Variants in PDIA2 observed in about 807,000 individuals in gnomAD.
The protein encoded by PDIA2 is protein disulfide-isomerase A2.
A neutral mutation model predicts 51.1 loss-of-function variants in PDIA2; 76 were observed. The observed-to-expected ratio is 1.49, with a 90% confidence interval of 1.24 to 1.80. The LOEUF is 1.80. Ranked by LOEUF, PDIA2 falls within the 40% of genes most tolerant of loss-of-function variation. The probability of loss-of-function intolerance (pLI) is 0.00; values close to 1 mark genes in which losing one functional copy is unlikely to be tolerated. For synonymous variants in PDIA2, 429 were observed against 309.9 expected (o/e 1.38, Z -4.04); for missense variants, 946 against 706.5 (o/e 1.34, Z -3.84).
chr16:285,887 C>T (rs2052353620), intron 7 of PDIA2, among the ~76,000 whole-genome samples, 184 bp downstream of exon 7: 1 of 129,150 alleles, frequency 7.7e-6, no homozygotes, highest in African/African-American at 2.9e-5. Flanking sequence ...TCTCCCAACC[C>T]CAAACCCGCG....
In PDIA2 at chr16:286,680, T is replaced by G. The variant is rs748600407; in HGVS notation, c.1367T>G (p.Phe456Cys). The G allele has an allele frequency of 5.6e-6, 9 of 1,612,434 alleles. No homozygotes were observed. The South Asian group carries it at 9.9e-5, about 18-fold the overall frequency. Residue 456 changes from phenylalanine to cysteine, a missense_variant, in exon 9 of 11, where the codon TTC (phenylalanine) becomes TGC (cysteine). Coordinates refer to ENST00000219406, the MANE Select transcript of PDIA2 (RefSeq NM_006849.4). ...GCCACGGCCAACGAGCTGGATGCCT[T>G]CGCTGTGCACGGCTTCCCTACTCTC... is the stretch of plus-strand genomic sequence containing the variant. ...LDATANELDA[F>C]AVHGFPTLKY...
rs756007429 is a variant in PDIA2, at chr16:284,542, A to G, written c.355A>G (p.Thr119Ala). ...AEEFGVTEYP[T>A]LKFFRNGNRT... ...GGAGTTTGGTGTGACGGAGTACCCTACGCTCAAGTTCTTCCGCAATGGGAA... is the reference window on the plus strand; with the variant it reads ...GGAGTTTGGTGTGACGGAGTACCCTGCGCTCAAGTTCTTCCGCAATGGGAA... Residue 119 changes from threonine (T) to alanine (A), a missense_variant, in exon 2 of 11, where the codon ACG (threonine) becomes GCG (alanine). By Grantham distance (58) the Thr-to-Ala change is moderately conservative (BLOSUM62 0). Transcript: ENST00000219406. 3 of 1,612,776 alleles carry G rather than the reference A, an allele frequency of 1.9e-6. No homozygotes were observed. Among genetic ancestry groups the G allele is most frequent in the East Asian group, 2.2e-5 (1 of 44,848 alleles).
Position 284,014 on chromosome 16 carries a change from G to T in PDIA2, c.200-373G>T, listed in dbSNP as rs45495401. 6.1e-5 allele frequency: 19 copies of T among 313,438 alleles called. No homozygotes were observed. In the East Asian group the frequency reaches 1.2e-3, roughly 20 times the overall value. 19.4% of individuals were successfully genotyped at this position (313,438 alleles called of 1,614,324 possible). A position where few individuals can be genotyped will look rare whatever the true frequency, so the allele number is the denominator to read the frequency against. On this transcript the variant is annotated intron_variant, in intron 1 of 10. Coordinates refer to ENST00000219406, the MANE Select transcript of PDIA2 (RefSeq NM_006849.4). ...CGAGTAGCTGGGATTATAGGCATAC[G>T]CAACCAATCCCGGCTAATATTTTTT...
rs531217677 is a variant in PDIA2 at position 285,463 on chromosome 16, C to T, written c.921+26C>T. On this transcript the variant is annotated intron_variant, in intron 6 of 10. Transcript: ENST00000219406. ...GTACTGGGGGGCTGGGGGAAAGGGG[C>T]AGCGGGAGAGTGGCCGGTGCCAGCA... The T allele has an allele frequency of 6.8e-6, 11 of 1,611,252 alleles. No individual in the cohort carries two copies. The East Asian group carries it at 2.2e-4, about 33-fold the overall frequency.
chr16:286,490 G>GC lies in PDIA2; in HGVS notation c.1240+18dup, dbSNP rs1165916948. 1.2e-6 allele frequency: 2 copies of GC among 1,613,260 alleles called. No individual in the cohort carries two copies. Among genetic ancestry groups the GC allele is most frequent in the Non-Finnish European group, 1.7e-6 (2 of 1,179,908 alleles). Reference sequence around the variant, plus strand: ...TCAAGTTCTGTGAGTGTTGAGGGAGGCAGGGGTGGTGTGGGCTGGGCAGGG... The same window carrying GC: ...TCAAGTTCTGTGAGTGTTGAGGGAGGCCAGGGGTGGTGTGGGCTGGGCAGGG... On this transcript the variant is annotated intron_variant, in intron 8 of 10. Transcript: ENST00000219406.
rs751404605 is a variant in PDIA2 at position 285,429 on chromosome 16, C to CG, written c.918dup (p.Gln307AlafsTer14). ...CTTTGGGGAGGCAGCTCCCCGCTTC[C>CG]GGGGGCAGGTACTGGGGGGCTGGGG... On this transcript the variant is annotated frameshift_variant, in exon 6 of 11. Coordinates refer to ENST00000219406, the MANE Select transcript of PDIA2 (RefSeq NM_006849.4). LOFTEE classifies it high-confidence loss of function. The CG allele has an allele frequency of 9.0e-6, 13 of 1,450,374 alleles. No homozygotes were observed. The highest frequency in any genetic ancestry group is 1.1e-5 in the South Asian group (1 of 88,298). 89.8% of individuals were successfully genotyped at this position (1,450,374 alleles called of 1,614,324 possible). A position where few individuals can be genotyped will look rare whatever the true frequency, so the allele number is the denominator to read the frequency against.
chr16:286,662 C>G lies in PDIA2; in HGVS notation c.1349C>G (p.Ala450Gly), dbSNP rs2052385628. 2 of 1,612,552 alleles carry G rather than the reference C, an allele frequency of 1.2e-6. No individual in the cohort carries two copies. The highest frequency in any genetic ancestry group is 8.5e-7 in the Non-Finnish European group (1 of 1,179,794). Reference protein sequence around the residue: ...DIIIAELDATANELDAFAVHG... With the variant: ...DIIIAELDATGNELDAFAVHG... Reference sequence around the variant, plus strand: ...ATCATTGCTGAGCTGGATGCCACGGCCAACGAGCTGGATGCCTTCGCTGTG... The same window carrying G: ...ATCATTGCTGAGCTGGATGCCACGGGCAACGAGCTGGATGCCTTCGCTGTG... Residue 450 changes from alanine to glycine, a missense_variant, in exon 9 of 11, where the codon GCC becomes GGC. Ala to Gly is a moderately conservative substitution (Grantham distance 60). Coordinates refer to ENST00000219406, the MANE Select transcript of PDIA2 (RefSeq NM_006849.4).
rs763360961 is a variant in PDIA2, at chr16:284,568, C to T, written c.381C>T (p.Asn127=). 1.1e-5 allele frequency: 18 copies of T among 1,612,592 alleles called. No individual in the cohort carries two copies. The highest frequency in any genetic ancestry group is 1.5e-5 in the Non-Finnish European group (18 of 1,179,728). Reference sequence around the variant, plus strand: ...CGCTCAAGTTCTTCCGCAATGGGAACCGCACGCACCCGGAGGAGTACACAG... The same window carrying T: ...CGCTCAAGTTCTTCCGCAATGGGAATCGCACGCACCCGGAGGAGTACACAG... ...YPTLKFFRNG[N]RTHPEEYTGP... is the part of the protein sequence containing the mutation. The change falls in exon 2 of 11, where the codon AAC becomes AAT. Residue 127 remains asparagine, a synonymous_variant. Coordinates refer to ENST00000219406, the MANE Select transcript of PDIA2 (RefSeq NM_006849.4).
At position 285,810 on chromosome 16, in the gene PDIA2, C is replaced by T. The variant is rs149175019; in HGVS notation, c.1119+107C>T. ...CAGAGCCCCCTGCCCCTGCAGGCCC[C>T]GCAGAGGCCCCCCTCAACCCGGCAA... On this transcript the variant is annotated intron_variant, in intron 7 of 10. Coordinates refer to ENST00000219406, the MANE Select transcript of PDIA2 (RefSeq NM_006849.4). The T allele has an allele frequency of 1.0e-3, 1,307 of 1,245,746 alleles. 13 individuals are homozygous for T. In the African/African-American group the frequency reaches 0.015, roughly 14 times the overall value. The allele number at this position is 1,245,746 out of a possible 1,614,324, so 77.2% of individuals were successfully genotyped here. A position where few individuals can be genotyped will look rare whatever the true frequency, so the allele number is the denominator to read the frequency against.
chr16:283,429 G>T, intron 1 of PDIA2, 61 bp downstream of exon 1: 1 of 1,490,720 alleles, frequency 6.7e-7, no homozygotes, highest in East Asian at 2.4e-5. Flanking sequence ...CCACCTGGGG[G>T]CCCCACCCTT....
intron 1 of PDIA2, 173 bp from the exon 2 acceptor site, chr16:284,214 G>A (rs1362632354): frequency 8.9e-6 from 6 of 676,480 alleles, no homozygotes; most frequent in African/African-American, 3.6e-5. Flanking sequence ...AGCCTTACTG[G>A]TCCCTGTGCT....
In PDIA2 at chr16:286,583, A is replaced by C; in HGVS notation, c.1270A>C (p.Met424Leu). 1 of 1,612,270 alleles carries C rather than the reference A, an allele frequency of 6.2e-7. No individual in the cohort carries two copies. The highest frequency in any genetic ancestry group is 8.5e-7 in the Non-Finnish European group (1 of 1,179,868). The change falls in exon 9 of 11, where the codon ATG becomes CTG. Residue 424 changes from methionine to leucine, a missense_variant. Physicochemically the swap from Met to Leu is conservative, Grantham distance 15 (BLOSUM62 2). Transcript: ENST00000219406. ...YAPWCTHCKE[M>L]APAWEALAEK... The stretch of plus-strand genomic sequence containing the variant: ...CCCGTGGTGCACCCACTGCAAGGAG[A>C]TGGCCCCTGCCTGGGAGGCATTGGC...
chr16:284,763 C>T lies in PDIA2; in HGVS notation c.511C>T (p.Arg171Trp), dbSNP rs200501001. 1,437 of 1,564,240 alleles carry T rather than the reference C, an allele frequency of 9.2e-4. 3 individuals are homozygous for T. Among genetic ancestry groups the T allele is most frequent in the Non-Finnish European group, 1.1e-3 (1,285 of 1,159,564 alleles). The change falls in exon 3 of 11, where the codon CGG becomes TGG. Residue 171 changes from arginine (R) to tryptophan (W), a missense_variant. Coordinates refer to ENST00000219406, the MANE Select transcript of PDIA2 (RefSeq NM_006849.4). ...EAAAQALIGGRDLVVIGFFQD... is the reference protein window; with the variant it reads ...EAAAQALIGGWDLVVIGFFQD... ...GGCCGCCCAGGCGCTGATCGGTGGCCGGGACCTAGTGGTCATTGGCTTCTT... is the reference window on the plus strand; with the variant it reads ...GGCCGCCCAGGCGCTGATCGGTGGCTGGGACCTAGTGGTCATTGGCTTCTT...
At position 286,833 on chromosome 16, in the gene PDIA2, A is replaced by C; in HGVS notation, c.1423-2A>C. The C allele has an allele frequency of 6.2e-7, 1 of 1,610,804 alleles. No individual in the cohort carries two copies. The highest frequency in any genetic ancestry group is 8.5e-7 in the Non-Finnish European group (1 of 1,179,076). On this transcript the variant is annotated splice_acceptor_variant, in intron 9 of 10. Coordinates refer to ENST00000219406, the MANE Select transcript of PDIA2 (RefSeq NM_006849.4). LOFTEE classifies it high-confidence loss of function. ...CCTCCAGATCCCCCTGCCTCTTCTC[A>C]GGTGATTGAATACAAAAGCACCAGG...
chr16:285,154 T>TCCTGGTCACACACAGCATGCG lies in PDIA2; in HGVS notation c.759_779dup (p.His254_Thr260dup), dbSNP rs1335150582. ...CTGGACCTGGGGGATCTGTCGCGCT[T>TCCTGGTCACACACAGCATGCG]CCTGGTCACACACAGCATGCGCCTG... On this transcript the variant is annotated inframe_insertion, in exon 5 of 11. Transcript: ENST00000219406. The TCCTGGTCACACACAGCATGCG allele has an allele frequency of 1.9e-6, 3 of 1,612,992 alleles. No individual in the cohort carries two copies. The highest frequency in any genetic ancestry group is 2.5e-6 in the Non-Finnish European group (3 of 1,179,920).
rs373601500 is a variant in PDIA2, at chr16:286,445, C to T, written c.1212C>T (p.Asp404=). 8.4e-5 allele frequency: 136 copies of T among 1,613,002 alleles called. No homozygotes were observed. The African/African-American group carries it at 1.5e-3, about 18-fold the overall frequency. ...VGKNFEQVAF[D]ETKNVFVKFY... is the part of the protein sequence containing the mutation. Reference sequence around the variant, plus strand: ...AGAATTTTGAGCAGGTGGCTTTTGACGAAACCAAGAATGTGTTTGTCAAGT... The same window carrying T: ...AGAATTTTGAGCAGGTGGCTTTTGATGAAACCAAGAATGTGTTTGTCAAGT... Residue 404 remains aspartate (D), a synonymous_variant, in exon 8 of 11, where the codon GAC becomes GAT. Transcript: ENST00000219406.
At position 283,378 on chromosome 16, in the gene PDIA2, G is replaced by A; in HGVS notation, c.199+10G>A. The stretch of plus-strand genomic sequence containing the variant: ...CTGCTGGTGGAATTCTGTGAGTGCT[G>A]GGGCCAGTGGGGCTGGGGACCGGCG... On this transcript the variant is annotated intron_variant, in intron 1 of 10. Coordinates refer to ENST00000219406, the MANE Select transcript of PDIA2 (RefSeq NM_006849.4). 6.4e-7 allele frequency: 1 copy of A among 1,570,020 alleles called. No homozygotes were observed. Among genetic ancestry groups the A allele is most frequent in the African/African-American group, 1.4e-5 (1 of 73,188 alleles).
At chr16:285,271 C>CT in intron 5 of PDIA2, 41 bp from the exon 6 acceptor site, 1 of 1,611,964 alleles carries the variant, frequency 6.2e-7, no homozygotes, top group Non-Finnish European at 8.5e-7. Context: ...GGTGCCTAGG[C>CT]TGGGGGTCCT....
rs45585539 is a variant in PDIA2 at position 286,860 on chromosome 16, A to C, written c.1448A>C (p.Asp483Ala). 35 of 1,608,626 alleles carry C rather than the reference A, an allele frequency of 2.2e-5. 1 individual carries two copies. In the South Asian group the frequency reaches 3.6e-4, roughly 17 times the overall value. The change falls in exon 10 of 11, where the codon GAC (aspartate) becomes GCC (alanine). Residue 483 changes from aspartate (D) to alanine (A), a missense_variant. Transcript: ENST00000219406. ...GTGATTGAATACAAAAGCACCAGGG[A>C]CCTGGAGACTTTCTCCAAGTTCCTG... ...RKVIEYKSTR[D>A]LETFSKFLDN... is the part of the protein sequence containing the mutation.
Sources: gnomAD v4.1 joint callset for allele counts (sites outside exome capture counted in the v4.1 genomes callset) on GRCh38, gnomAD v4.1.1 for gene constraint, MANE v1.5 for transcripts, NCBI Gene and HGNC (gene_info 2026-07-23, HGNC 2026-07-21) for gene names.